COL27A1: variants seen among roughly 807,000 people sequenced by gnomAD.
COL27A1 encodes the protein collagen type XXVII alpha 1 chain, also known as collagen alpha-1(XXVII) chain.
COL27A1 carries 106 observed loss-of-function variants against 251.3 expected under a neutral mutation model. The observed-to-expected ratio is 0.42, with a 90% CI of 0.36 to 0.50. The LOEUF is 0.50. Ranked by LOEUF, COL27A1 falls within the 20% of genes least tolerant of loss-of-function variation. The pLI, the probability that COL27A1 is intolerant of heterozygous loss-of-function variation, is 0.00. For synonymous variants in COL27A1, 1,000 were observed against 986.3 expected (o/e 1.01, Z -0.26); for missense variants, 2,325 against 2,522.8 (o/e 0.92, Z 1.68).
At chr9:114,159,848 A>G (rs989501154) in intron 1 of COL27A1, among the ~76,000 whole-genome samples, 3 of 152,198 alleles carry the variant, frequency 2.0e-5, no homozygotes, top group African/African-American at 7.2e-5. Flanking sequence ...CGTTTGTGTA[A>G]TTAAACAAAG....
At chr9:114,162,235 T>C (rs1170428547) in intron 1 of COL27A1, among the ~76,000 whole-genome samples, 1 of 152,194 alleles carries the variant, frequency 6.6e-6, no homozygotes, top group African/African-American at 2.4e-5. Context: ...CAGCCTGGTC[T>C]TCCCGCTGAC....
rs188694609 is a variant in COL27A1 at position 114,198,812 on chromosome 9, A to G, written c.2124+2800A>G. 2.3e-3 allele frequency among the ~76,000 whole-genome samples: 352 copies of G among 152,248 alleles called. 2 individuals are homozygous for G. The highest frequency in any genetic ancestry group is 8.3e-3 in the African/African-American group (345 of 41,544). ...CGCAAACCAGGTCAGATAGACCTGG[A>G]TGGAATCCCCGCTCTGTCCCTCTCC... On this transcript the variant is annotated intron_variant, in intron 7 of 60. Transcript: ENST00000356083.
intron 31 of COL27A1, 106 bp from the exon 32 acceptor site, chr9:114,265,316 G>C (rs1024660638): frequency 8.0e-7 from 1 of 1,248,872 alleles, no homozygotes; most frequent in Non-Finnish European, 1.1e-6. Flanking sequence ...CTGTCACCCG[G>C]TGTGGGAGGA....
chr9:114,226,553 C>T (rs1831482975), intron 14 of COL27A1, among the ~76,000 whole-genome samples: 2 of 152,322 alleles, frequency 1.3e-5, no homozygotes, highest in East Asian at 1.9e-4. Context: ...ACAGAGATAG[C>T]GTGTATGTGA....
chr9:114,306,382 G>T, intron 57 of COL27A1, 138 bp from the exon 58 acceptor site: 3 of 799,730 alleles, frequency 3.8e-6, no homozygotes, highest in Non-Finnish European at 5.8e-6. Context: ...AAAATAAAGA[G>T]AAACCCAACC....
intron 28 of COL27A1, among the ~76,000 whole-genome samples, chr9:114,263,546 G>A (rs888705696): frequency 7.2e-5 from 11 of 152,152 alleles, no homozygotes; most frequent in African/African-American, 1.4e-4. Context: ...GGGGACACAC[G>A]TGGGGCAGTG....
Position 114,237,019 on chromosome 9 carries a change from G to A in COL27A1, c.2658G>A (p.Gly886=). The change falls in exon 18 of 61, where the codon GGG becomes GGA. Residue 886 remains glycine, a synonymous_variant. Transcript: ENST00000356083. The part of the protein sequence containing the change: ...QGLPGFPGAR[G]KPGPLGKVGD... ...TGCCAGGGTTCCCCGGTGCACGGGG[G>A]AAGCCAGGGCCTCTGGTAAGTACCT... The A allele has an allele frequency of 1.9e-6, 3 of 1,610,010 alleles. No homozygotes were observed. Among genetic ancestry groups the A allele is most frequent in the Non-Finnish European group, 2.5e-6 (3 of 1,178,078 alleles).
chr9:114,304,822 G>T (rs1828915461), intron 57 of COL27A1, 149 bp downstream of exon 57: 1 of 684,166 alleles, frequency 1.5e-6, no homozygotes, highest in South Asian at 1.8e-5. Flanking sequence ...CACAAATGGG[G>T]GTTTGTACTG....
chr9:114,200,513 A>G (rs987442352), intron 7 of COL27A1, among the ~76,000 whole-genome samples: 4 of 152,236 alleles, frequency 2.6e-5, no homozygotes, highest in African/African-American at 7.2e-5. Context: ...GAATAACTGG[A>G]TGAATGAATG....
intron 7 of COL27A1, among the ~76,000 whole-genome samples, chr9:114,199,488 G>C (rs565150903): frequency 6.6e-6 from 1 of 151,500 alleles, no homozygotes; most frequent in Non-Finnish European, 1.5e-5. Flanking sequence ...ATCCAATCCC[G>C]TGTACCCTGG....
chr9:114,260,892 C>T (rs781012527), intron 28 of COL27A1, among the ~76,000 whole-genome samples: 47 of 152,254 alleles, frequency 3.1e-4, no homozygotes, highest in Middle Eastern at 3.4e-3. Context: ...CCGAGGGGGT[C>T]GTAAGGACCC....
intron 37 of COL27A1, 21 bp from the exon 38 acceptor site, chr9:114,282,256 C>T (rs763945654): frequency 6.2e-6 from 10 of 1,608,998 alleles, no homozygotes; most frequent in Non-Finnish European, 8.5e-6. Context: ...TTCTCTTGCT[C>T]TGTCCCTCCT....
intron 34 of COL27A1, 104 bp from the exon 35 acceptor site, chr9:114,269,137 C>T (rs1352839098): frequency 2.0e-5 from 13 of 661,508 alleles, no homozygotes; most frequent in African/African-American, 3.7e-5. Flanking sequence ...TCCCCAGCTC[C>T]TCCTCCCACA....
At chr9:114,275,635 T>TCC (rs759458728) in intron 36 of COL27A1, 26 bp from the exon 37 acceptor site, 2 of 1,453,326 alleles carry the variant, frequency 1.4e-6, no homozygotes, top group South Asian at 1.2e-5. Flanking sequence ...TCTCTCTCTC[T>TCC]CCCCTCTTCA....
intron 2 of COL27A1, 35 bp from the exon 3 acceptor site, chr9:114,167,654 T>C (rs772465120): frequency 6.4e-7 from 1 of 1,564,942 alleles, no homozygotes; most frequent in East Asian, 2.3e-5. Flanking sequence ...GAGCAGGCCC[T>C]GACTGCGTCC....
In COL27A1 at chr9:114,292,145, C is replaced by T. The variant is rs1289391715; in HGVS notation, c.4519C>T (p.Arg1507Ter). The change falls in exon 49 of 61, where the codon CGA becomes TGA. Residue 1507 changes from arginine (R) to a stop codon, truncating the protein, a stop_gained. Transcript: ENST00000356083. LOFTEE classifies it high-confidence loss of function. ...CGGACAGCTGGGTCCCCCTGGCAAG[C>T]GAGGAACAGAGGGCAGAACGGGGCT... ...LPGQLGPPGKRGTEGRTGLPG... is the reference protein window; with the variant it reads ...LPGQLGPPGK 1.9e-6 allele frequency: 3 copies of T among 1,562,116 alleles called. No individual in the cohort carries two copies. Among genetic ancestry groups the T allele is most frequent in the Admixed American group, 1.9e-5 (1 of 52,264 alleles).
intron 19 of COL27A1, among the ~76,000 whole-genome samples, chr9:114,239,162 C>T (rs1168105355): frequency 6.6e-6 from 1 of 152,232 alleles, no homozygotes; most frequent in Non-Finnish European, 1.5e-5. Context: ...TGGGAGGGAG[C>T]TCCAGCTCTC....
In COL27A1 at chr9:114,302,130, T is replaced by C. The variant is rs1249754; in HGVS notation, c.4872+22T>C. 8.2e-3 allele frequency: 13,128 copies of C among 1,605,446 alleles called. 936 individuals are homozygous for C. The African/African-American group carries it at 0.15, about 19-fold the overall frequency. ...ATTGGTAAGTTGGAAACCTTCTCTT[T>C]TGCCTACTTGGGGTAAGGCCTGAGG... is the stretch of plus-strand genomic sequence containing the variant. On this transcript the variant is annotated intron_variant, in intron 56 of 60. Transcript: ENST00000356083.
intron 44 of COL27A1, 119 bp downstream of exon 44, chr9:114,289,086 C>T: frequency 7.1e-7 from 1 of 1,399,952 alleles, no homozygotes; most frequent in East Asian, 2.4e-5. Context: ...GGGTCTGGGG[C>T]AGCCATTTCT....
Sources: allele counts gnomAD v4.1 joint callset (sites outside exome capture counted in the v4.1 genomes callset), GRCh38; gene constraint gnomAD v4.1.1; transcripts MANE v1.5; gene names NCBI Gene and HGNC (gene_info 2026-07-23, HGNC 2026-07-21).